Variants in TRPS1 observed in about 807,000 individuals in gnomAD.
TRPS1 encodes the protein zinc finger transcription factor Trps1.
Under a neutral mutation model 101.2 loss-of-function variants are expected in TRPS1, and 6 were observed. The ratio of observed to expected loss-of-function variants is 0.06; its 90% confidence interval spans 0.03 to 0.12. TRPS1 has a LOEUF of 0.12. TRPS1 is among the 10% of genes least tolerant of loss of function. The pLI, the probability that TRPS1 is intolerant of heterozygous loss-of-function variation, is 1.00. For missense variants in TRPS1, 1,363 were observed against 1,567.0 expected, an observed-to-expected ratio of 0.87 and a Z score of 2.20; for synonymous variants, 578 against 589.8, an observed-to-expected ratio of 0.98 and a Z score of 0.29.
chr8:115,627,281 T>C (rs953741486), intron 1 of TRPS1, among the ~76,000 whole-genome samples: 10 of 151,778 alleles, frequency 6.6e-5, no homozygotes, highest in African/African-American at 2.4e-4. Flanking sequence ...ATGTTACCAT[T>C]TGTTTCCCTG....
In TRPS1 at chr8:115,428,694, G is replaced by A. The variant is rs577880556; in HGVS notation, c.2701-10242C>T. Reference sequence around the variant, plus strand: ...ATCTCGGGAATACCTCTGGGACCACGCAATTCTGTCTGACTTTTAGAAACA... The same window carrying A: ...ATCTCGGGAATACCTCTGGGACCACACAATTCTGTCTGACTTTTAGAAACA... On this transcript the variant is annotated intron_variant, in intron 5 of 6. Coordinates refer to ENST00000395715, the MANE Select transcript of TRPS1 (RefSeq NM_014112.5). Among the ~76,000 whole-genome samples the A allele has an allele frequency of 2.3e-4, 35 of 152,156 alleles. 1 individual carries two copies. Among genetic ancestry groups the A allele is most frequent in the Admixed American group, 2.2e-3 (34 of 15,272 alleles).
intron 5 of TRPS1, among the ~76,000 whole-genome samples, chr8:115,439,769 A>C (rs755270677): frequency 5.3e-5 from 8 of 152,178 alleles, no homozygotes; most frequent in Non-Finnish European, 5.9e-5. Context: ...AACTTCCTTT[A>C]AACCGAGAAA....
At chr8:115,664,089 C>T (rs1393995345) in intron 1 of TRPS1, among the ~76,000 whole-genome samples, 1 of 152,046 alleles carries the variant, frequency 6.6e-6, no homozygotes. Context: ...AAACAAATGA[C>T]TTTGGCCCTA....
At chr8:115,470,818 C>G (rs1001170414) in intron 5 of TRPS1, among the ~76,000 whole-genome samples, 3 of 152,182 alleles carry the variant, frequency 2.0e-5, no homozygotes, top group Non-Finnish European at 4.4e-5. Flanking sequence ...TTTTACTACT[C>G]TGTATTCTGG....
chr8:115,516,268 T>TA (rs5894269), intron 5 of TRPS1, among the ~76,000 whole-genome samples: 151,525 of 151,526 alleles, frequency 1, 75,762 homozygotes, highest in Non-Finnish European at 1. Flanking sequence ...TTTGTACAAA[T>TA]AGCAAATGAA....
intron 5 of TRPS1, among the ~76,000 whole-genome samples, chr8:115,546,148 A>G (rs2130322380): frequency 6.6e-6 from 1 of 152,024 alleles, no homozygotes; most frequent in South Asian, 2.1e-4. Context: ...CAACTTTCAA[A>G]ATAAATAACA....
At chr8:115,667,363 C>T (rs1372437835) in intron 1 of TRPS1, among the ~76,000 whole-genome samples, 1 of 152,172 alleles carries the variant, frequency 6.6e-6, no homozygotes, top group East Asian at 1.9e-4. Flanking sequence ...TCAAATTATT[C>T]CTGGGGTCCT....
intron 1 of TRPS1, among the ~76,000 whole-genome samples, chr8:115,639,059 A>G (rs1274792860): frequency 6.6e-6 from 1 of 151,706 alleles, no homozygotes; most frequent in African/African-American, 2.4e-5. Context: ...TCACTATATG[A>G]TTTTATTTAT....
At chr8:115,587,685 T>C in intron 4 of TRPS1, 81 bp from the exon 5 acceptor site, 1 of 1,603,968 alleles carries the variant, frequency 6.2e-7, no homozygotes, top group Non-Finnish European at 8.5e-7. Context: ...AGCACCTGAA[T>C]TTTCTACCTA....
chr8:115,582,546 A>G (rs1817475162), intron 5 of TRPS1, among the ~76,000 whole-genome samples: 1 of 152,186 alleles, frequency 6.6e-6, no homozygotes, highest in Non-Finnish European at 1.5e-5. Flanking sequence ...AGGATCTCAA[A>G]TGGCCTGACA....
At chr8:115,652,490 A>G (rs992153176) in intron 1 of TRPS1, among the ~76,000 whole-genome samples, 1 of 152,230 alleles carries the variant, frequency 6.6e-6, no homozygotes, top group African/African-American at 2.4e-5. Flanking sequence ...ACTTTATGCC[A>G]TGTCACCTGC....
chr8:115,629,974 T>G (rs1047804388), intron 1 of TRPS1, among the ~76,000 whole-genome samples: 1 of 151,942 alleles, frequency 6.6e-6, no homozygotes, highest in African/African-American at 2.4e-5. Flanking sequence ...TACAGGCTTT[T>G]GAATTTTGTT....
chr8:115,488,931 A>C (rs1814954222), intron 5 of TRPS1, among the ~76,000 whole-genome samples: 1 of 152,198 alleles, frequency 6.6e-6, no homozygotes, highest in Non-Finnish European at 1.5e-5. Context: ...GTTCTCATAA[A>C]AAGTATGTAA....
chr8:115,511,384 T>C (rs930932408), intron 5 of TRPS1: 14 of 152,142 alleles, frequency 9.2e-5, no homozygotes, highest in African/African-American at 3.4e-4. Flanking sequence ...AATTTTGTTT[T>C]GGTCCATGCA....
At chr8:115,608,349 G>A (rs1818086864) in intron 3 of TRPS1, among the ~76,000 whole-genome samples, 2 of 152,110 alleles carry the variant, frequency 1.3e-5, no homozygotes, top group Non-Finnish European at 2.9e-5. Flanking sequence ...CTAATTAGTA[G>A]TAACTAAGTG....
chr8:115,467,487 C>A (rs1814353938), intron 5 of TRPS1, among the ~76,000 whole-genome samples: 1 of 151,312 alleles, frequency 6.6e-6, no homozygotes, highest in Non-Finnish European at 1.5e-5. Context: ...AAATAAAGCT[C>A]ATTTATTCTG....
At position 115,587,348 on chromosome 8, in the gene TRPS1, C is replaced by T; in HGVS notation, c.2353G>A (p.Glu785Lys). The T allele has an allele frequency of 1.2e-6, 2 of 1,614,216 alleles. No individual in the cohort carries two copies. The highest frequency in any genetic ancestry group is 1.7e-6 in the Non-Finnish European group (2 of 1,180,028). ...ESVVKREKLE[E>K]KDGLKEKVWT... ...ACTTTCTCTTTGAGCCCGTCCTTCT[C>T]TTCCAGCTTCTCTCTCTTCACCACA... is the stretch of plus-strand genomic sequence containing the variant. Residue 785 changes from glutamate (E) to lysine (K), a missense_variant, in exon 5 of 7, where the codon GAG becomes AAG. Around this residue, in one of 5 missense-constraint regions of TRPS1, gnomAD observed 1,020 missense variants for 1,073.0 expected, o/e 0.95. Transcript: ENST00000395715.
chr8:115,436,688 G>T (rs1053855465), intron 5 of TRPS1, among the ~76,000 whole-genome samples: 2 of 152,098 alleles, frequency 1.3e-5, no homozygotes, highest in African/African-American at 4.8e-5. Flanking sequence ...TCTCATCTGT[G>T]TTACAAATTA....
intron 5 of TRPS1, among the ~76,000 whole-genome samples, chr8:115,457,882 G>C (rs953163720): frequency 6.6e-6 from 1 of 152,184 alleles, no homozygotes; most frequent in African/African-American, 2.4e-5. Flanking sequence ...AGTGAGGAGA[G>C]AAATTAATGA....
Sources: gnomAD v4.1 joint callset for allele counts (sites outside exome capture counted in the v4.1 genomes callset) on GRCh38, gnomAD v4.1.1 for gene constraint, gnomAD v4.1.1 regional missense constraint, MANE v1.5 for transcripts, NCBI Gene and HGNC (gene_info 2026-07-23, HGNC 2026-07-21) for gene names.